KLRG1: variants seen among roughly 807,000 people sequenced by gnomAD.
The protein encoded by KLRG1 is killer cell lectin like receptor G1.
A neutral mutation model predicts 21.8 loss-of-function variants in KLRG1; 16 were observed. The ratio of observed to expected loss-of-function variants is 0.73; its 90% confidence interval spans 0.50 to 1.11. The LOEUF is 1.11. KLRG1 is among the 50% of genes most tolerant of loss of function. KLRG1 has a pLI of 0.00. For synonymous variants in KLRG1, 69 were observed against 75.9 expected, an observed-to-expected ratio of 0.91 and a Z score of 0.47; for missense variants, 173 against 218.3, an observed-to-expected ratio of 0.79 and a Z score of 1.31.
the KLRG1 span, chr12:9,095,829 G>T: frequency 1.4e-6 from 1 of 694,948 alleles, no homozygotes; most frequent in Non-Finnish European, 2.1e-6. Flanking sequence ...GCGCAATCTC[G>T]GCTCACTGCA....
At chr12:8,992,854 A>T (rs754042083) in intron 2 of KLRG1, among the ~76,000 whole-genome samples, 14 of 152,130 alleles carry the variant, frequency 9.2e-5, no homozygotes, top group Non-Finnish European at 1.5e-4. Flanking sequence ...TCTTAATAGA[A>T]CTGCAGTCAA....
chr12:9,090,414 G>C, the KLRG1 span: 3 of 1,614,030 alleles, frequency 1.9e-6, no homozygotes, highest in Non-Finnish European at 2.5e-6. Flanking sequence ...CACAGATGCA[G>C]TGAGGCGCTT....
the KLRG1 span, among the ~76,000 whole-genome samples, chr12:9,097,388 T>C: frequency 9.2e-5 from 14 of 152,180 alleles, no homozygotes; most frequent in African/African-American, 3.1e-4. Context: ...TGGTCTCATA[T>C]TAAAAATTTG....
the KLRG1 span, among the ~76,000 whole-genome samples, chr12:9,144,784 C>T: frequency 3.5e-4 from 53 of 152,042 alleles, no homozygotes; most frequent in African/African-American, 1.2e-3. Flanking sequence ...TCTCTCTGGC[C>T]GGAGGGGAGG....
chr12:9,203,711 A>C, the KLRG1 span: 8 of 1,564,020 alleles, frequency 5.1e-6, no homozygotes, highest in African/African-American at 1.4e-5. Context: ...ACCATGACCT[A>C]TAGAGCTCAA....
At chr12:8,984,098 T>G (rs1425627530) in intron 1 of KLRG1, among the ~76,000 whole-genome samples, 1 of 152,188 alleles carries the variant, frequency 6.6e-6, no homozygotes. Context: ...TTTTCTCCCA[T>G]TTTTTCCCTC....
the KLRG1 span, among the ~76,000 whole-genome samples, chr12:9,039,223 C>T: frequency 3.3e-5 from 5 of 152,190 alleles, no homozygotes; most frequent in Non-Finnish European, 7.4e-5. Context: ...TCTCTTTGTC[C>T]TCTCTCATTT....
rs1178924692 is a variant in KLRG1 at position 8,995,131 on chromosome 12, C to T, written c.200C>T (p.Ser67Phe). Residue 67 changes from serine to phenylalanine, a missense_variant, in exon 3 of 5, where the codon TCC (serine) becomes TTC (phenylalanine). By Grantham distance (155) the Ser-to-Phe change is radical (BLOSUM62 -2). This residue lies in a region of KLRG1 where 144 missense variants were observed against 161.5 expected (regional missense o/e 0.89). Transcript: ENST00000356986. Reference sequence around the variant, plus strand: ...TCTTCTCTCCTAGGCTCCAACTACTCCACTTGTGCCAGCTGTCCTAGCTGC... The same window carrying T: ...TCTTCTCTCCTAGGCTCCAACTACTTCACTTGTGCCAGCTGTCCTAGCTGC... ...QWILCQGSNY[S>F]TCASCPSCPD... The T allele has an allele frequency of 1.2e-6, 2 of 1,605,268 alleles. No homozygotes were observed. The highest frequency in any genetic ancestry group is 1.7e-6 in the Non-Finnish European group (2 of 1,176,696).
chr12:9,111,494 A>G, the KLRG1 span: 1 of 456,354 alleles, frequency 2.2e-6, no homozygotes, highest in Non-Finnish European at 4.4e-6. Context: ...TTGCAGCAGT[A>G]GTTCAGATGA....
At chr12:8,996,568 T>C (rs1202901480) in intron 3 of KLRG1, 1 of 152,150 alleles carries the variant, frequency 6.6e-6, no homozygotes, top group African/African-American at 2.4e-5. Flanking sequence ...TATAGCTACC[T>C]ATATAACTAC....
the KLRG1 span, chr12:9,150,834 C>T: frequency 7.5e-4 from 635 of 848,326 alleles, 4 homozygotes; most frequent in Non-Finnish European, 9.7e-5. Context: ...TTCTTTGACT[C>T]TTTTTCACCA....
the KLRG1 span, among the ~76,000 whole-genome samples, chr12:9,092,562 C>T: frequency 6.6e-6 from 1 of 152,168 alleles, no homozygotes; most frequent in Non-Finnish European, 1.5e-5. Flanking sequence ...AGTATATGGC[C>T]ATTCCGGCTC....
At chr12:9,002,866 C>T (rs1438976392) in intron 3 of KLRG1, among the ~76,000 whole-genome samples, 1 of 149,250 alleles carries the variant, frequency 6.7e-6, no homozygotes, top group African/African-American at 2.5e-5. Context: ...TGCACCAGAC[C>T]GATTTGTACT....
the KLRG1 span, among the ~76,000 whole-genome samples, chr12:9,102,705 A>G: frequency 6.6e-6 from 1 of 152,130 alleles, no homozygotes; most frequent in Non-Finnish European, 1.5e-5. Flanking sequence ...TCATATCTTA[A>G]TGTATATTTT....
At chr12:9,161,083 A>C in the KLRG1 span, 2 of 1,602,300 alleles carry the variant, frequency 1.2e-6, no homozygotes, top group Non-Finnish European at 1.7e-6. Flanking sequence ...ATTTGATGGG[A>C]GCTTCAAGGA....
At chr12:9,020,862 C>T in the KLRG1 span, among the ~76,000 whole-genome samples, 1 of 152,106 alleles carries the variant, frequency 6.6e-6, no homozygotes, top group African/African-American at 2.4e-5. Context: ...AGAAATGCAT[C>T]GTTAGGCAAA....
At chr12:9,080,972 T>G in the KLRG1 span, among the ~76,000 whole-genome samples, 4 of 152,190 alleles carry the variant, frequency 2.6e-5, no homozygotes, top group Non-Finnish European at 5.9e-5. Flanking sequence ...AACATACATT[T>G]ACTACAATTT....
the KLRG1 span, among the ~76,000 whole-genome samples, chr12:9,194,830 A>G: frequency 6.6e-6 from 1 of 152,124 alleles, no homozygotes; most frequent in Non-Finnish European, 1.5e-5. Context: ...AGAATAAAAG[A>G]AATGAATTTA....
the KLRG1 span, chr12:9,068,358 C>T: frequency 2.3e-6 from 2 of 878,882 alleles, no homozygotes; most frequent in South Asian, 3.3e-5. Context: ...ACATAAGCAT[C>T]ATTCATCTGA....
Sources: gnomAD v4.1 joint callset for allele counts (sites outside exome capture counted in the v4.1 genomes callset) on GRCh38, gnomAD v4.1.1 for gene constraint, gnomAD v4.1.1 regional missense constraint, MANE v1.5 for transcripts, NCBI Gene and HGNC (gene_info 2026-07-23, HGNC 2026-07-21) for gene names.